Variants in LINGO2 observed in about 807,000 individuals in gnomAD.
The protein encoded by LINGO2 is leucine rich repeat and Ig domain containing 2.
LINGO2 carries 14 observed loss-of-function variants against 30.6 expected under a neutral mutation model. That is an observed-to-expected ratio of 0.46 (90% confidence interval 0.30 to 0.72). LINGO2 has a LOEUF of 0.72. Among genes scored for constraint, LINGO2 ranks in the 30% least tolerant of loss-of-function variants. The pLI is 0.07. For missense variants in LINGO2, 729 were observed against 751.7 expected, an observed-to-expected ratio of 0.97 and a Z score of 0.35; for synonymous variants, 317 against 288.5, an observed-to-expected ratio of 1.10 and a Z score of -1.00.
the LINGO2 span, among the ~76,000 whole-genome samples, chr9:28,924,583 G>A: frequency 6.6e-6 from 1 of 152,076 alleles, no homozygotes; most frequent in Non-Finnish European, 1.5e-5. Flanking sequence ...CTGGTTTATA[G>A]TGCAGTCCAG....
chr9:28,972,503 A>T, the LINGO2 span, among the ~76,000 whole-genome samples: 2 of 152,210 alleles, frequency 1.3e-5, no homozygotes, highest in Non-Finnish European at 2.9e-5. Flanking sequence ...GCTGAAAAAC[A>T]GTATTGAAAA....
chr9:28,607,376 TATATTTTTTCCTATTC>T lies in LINGO2; in HGVS notation c.-365+62808_-365+62823del, dbSNP rs138615617. Among the ~76,000 whole-genome samples the T allele has an allele frequency of 1.5e-3, 224 of 152,136 alleles. 1 individual carries two copies. Among genetic ancestry groups the T allele is most frequent in the Middle Eastern group, 6.8e-3 (2 of 294 alleles). On this transcript the variant is annotated intron_variant, in intron 1 of 5. Transcript: ENST00000379992. The stretch of plus-strand genomic sequence containing the variant: ...TATCATGTTGGAATATACAGGAGTT[TATATTTTTTCCTATTC>T]ATATTTTTTCCTACTCACAGAAGCT...
the LINGO2 span, among the ~76,000 whole-genome samples, chr9:29,154,409 C>T: frequency 1.6e-4 from 24 of 145,978 alleles, no homozygotes; most frequent in Non-Finnish European, 3.3e-4. Context: ...GAGATCGCGC[C>T]ACTGCATTCC....
At chr9:28,341,046 C>T (rs1825749401) in intron 3 of LINGO2, among the ~76,000 whole-genome samples, 1 of 151,972 alleles carries the variant, frequency 6.6e-6, no homozygotes, top group Admixed American at 6.6e-5. Context: ...CTAAGGCAAG[C>T]AAGGACTAGT....
At chr9:29,019,829 T>TA in the LINGO2 span, among the ~76,000 whole-genome samples, 1 of 152,076 alleles carries the variant, frequency 6.6e-6, no homozygotes. Flanking sequence ...TTCTATTCCA[T>TA]TCCTTATGAG....
rs1314924104 is a variant in LINGO2 at position 28,329,236 on chromosome 9, C to T, written c.-245-33870G>A. ...TCTAATTGTGCTCAGCTCATTTTGCCTCTGTCCAAAAGTGGGAAGAATGGT... is the reference window on the plus strand; with the variant it reads ...TCTAATTGTGCTCAGCTCATTTTGCTTCTGTCCAAAAGTGGGAAGAATGGT... On this transcript the variant is annotated intron_variant, in intron 3 of 5. Transcript: ENST00000379992. The surrounding 1 kb of genome is among the most constrained non-coding windows in gnomAD (Gnocchi z 4.5). 6.6e-6 allele frequency among the ~76,000 whole-genome samples: 1 copy of T among 152,156 alleles called. No homozygotes were observed. Among genetic ancestry groups the T allele is most frequent in the Non-Finnish European group, 1.5e-5 (1 of 68,040 alleles).
chr9:28,712,644 T>C, the LINGO2 span, among the ~76,000 whole-genome samples: 1 of 151,824 alleles, frequency 6.6e-6, no homozygotes, highest in Non-Finnish European at 1.5e-5. Flanking sequence ...ATATACAGCA[T>C]GTAGAATAGA....
chr9:28,522,990 T>C (rs937105372), intron 1 of LINGO2, among the ~76,000 whole-genome samples: 1 of 149,666 alleles, frequency 6.7e-6, no homozygotes, highest in African/African-American at 2.5e-5. Context: ...ACAAAACAAA[T>C]GAAGCAGAAA....
chr9:28,233,052 ATATATAT>A (rs1564062927), intron 4 of LINGO2, among the ~76,000 whole-genome samples: 15 of 120,000 alleles, frequency 1.3e-4, no homozygotes, highest in African/African-American at 4.9e-4. Flanking sequence ...ATATATATAT[ATATATAT>A]ATTAGATATA....
intron 3 of LINGO2, among the ~76,000 whole-genome samples, chr9:28,366,102 G>A (rs576073312): frequency 2.0e-3 from 297 of 152,162 alleles, no homozygotes; most frequent in Middle Eastern, 6.8e-3. Context: ...TCCTTAGTAC[G>A]GAAACAGTCG....
At chr9:28,751,385 G>A in the LINGO2 span, among the ~76,000 whole-genome samples, 2 of 150,886 alleles carry the variant, frequency 1.3e-5, no homozygotes, top group Non-Finnish European at 2.9e-5. Context: ...CCTTGCCTCA[G>A]AGACTTAATA....
At chr9:28,505,618 T>A (rs1009589795) in intron 1 of LINGO2, among the ~76,000 whole-genome samples, 1 of 151,936 alleles carries the variant, frequency 6.6e-6, no homozygotes, top group Non-Finnish European at 1.5e-5. Flanking sequence ...AACAGAGGGC[T>A]TTTTGTTCCC....
At chr9:28,855,118 G>T in the LINGO2 span, among the ~76,000 whole-genome samples, 1 of 151,898 alleles carries the variant, frequency 6.6e-6, no homozygotes, top group African/African-American at 2.4e-5. Context: ...TGATAAACGG[G>T]TTCTTTAGTG....
At chr9:29,121,070 G>T in the LINGO2 span, among the ~76,000 whole-genome samples, 2 of 152,220 alleles carry the variant, frequency 1.3e-5, no homozygotes, top group African/African-American at 2.4e-5. Context: ...TAATCACTTA[G>T]ATTTGGCAAT....
Position 28,127,236 on chromosome 9 carries a change from G to A in LINGO2, c.-86-114831C>T, listed in dbSNP as rs145178085. Among the ~76,000 whole-genome samples, 238 of 152,300 alleles carry A rather than the reference G, an allele frequency of 1.6e-3. 2 individuals carry two copies. Among genetic ancestry groups the A allele is most frequent in the African/African-American group, 5.6e-3 (232 of 41,580 alleles). ...TTATGACTGGTTTGGTGAATAGAAT[G>A]TAGTATAAACGATGTCCAGGGATTT... On this transcript the variant is annotated intron_variant, in intron 4 of 5. Transcript: ENST00000379992.
At chr9:28,507,241 G>GTGTGCA (rs879749357) in intron 1 of LINGO2, among the ~76,000 whole-genome samples, 3 of 45,548 alleles carry the variant, frequency 6.6e-5, no homozygotes, top group South Asian at 7.1e-4. Flanking sequence ...GTGTGTGCGT[G>GTGTGCA]CGTGCGCACA....
chr9:28,170,084 C>G (rs1828539437), intron 4 of LINGO2, among the ~76,000 whole-genome samples: 1 of 152,178 alleles, frequency 6.6e-6, no homozygotes, highest in African/African-American at 2.4e-5. Flanking sequence ...CTGTTGTATT[C>G]ACTGCTAAGT....
chr9:28,265,099 C>T (rs529369094), intron 4 of LINGO2, among the ~76,000 whole-genome samples: 1 of 151,978 alleles, frequency 6.6e-6, no homozygotes, highest in East Asian at 1.9e-4. Context: ...TTTGAATTAC[C>T]AGCCCCACAA....
chr9:28,053,204 A>T (rs575876131), intron 4 of LINGO2, among the ~76,000 whole-genome samples: 2 of 152,090 alleles, frequency 1.3e-5, no homozygotes, highest in Non-Finnish European at 2.9e-5. Context: ...CAGGCCATGT[A>T]GCATTTATAC....
Sources: allele counts gnomAD v4.1 joint callset (sites outside exome capture counted in the v4.1 genomes callset), GRCh38; gene constraint gnomAD v4.1.1; non-coding constraint Gnocchi (gnomAD v3.1); transcripts MANE v1.5; gene names NCBI Gene and HGNC (gene_info 2026-07-23, HGNC 2026-07-21).